ENAH: variants seen among roughly 807,000 people sequenced by gnomAD.
ENAH encodes the protein protein enabled homolog.
In ENAH, 23 loss-of-function variants were observed where a neutral mutation model predicts 78.7. The ratio of observed to expected loss-of-function variants is 0.29; its 90% CI spans 0.21 to 0.41. The LOEUF (loss-of-function observed/expected upper bound fraction) is 0.41, where lower values mean the gene tolerates loss of function less well. ENAH is among the 10% of genes least tolerant of loss of function. The pLI, the probability that ENAH is intolerant of heterozygous loss-of-function variation, is 1.00. For missense variants in ENAH, 544 were observed against 691.0 expected (o/e 0.79, Z 2.39); for synonymous variants, 226 against 241.0 (o/e 0.94, Z 0.58).
rs1259826265 is a variant in ENAH at position 225,496,147 on chromosome 1, GGA to G, written c.*1626_*1627del. On this transcript the variant is annotated 3_prime_UTR_variant, in exon 14 of 14. Coordinates refer to ENST00000366843, the MANE Select transcript of ENAH (RefSeq NM_018212.6). ...TAACAACTCAAGCATAAATCAAGAT[GGA>G]GAGCCTGGAGAGTTTCTTAAATTTT... The G allele has an allele frequency of 6.6e-6, 1 of 152,576 alleles. No individual in the cohort carries two copies. The highest frequency in any genetic ancestry group is 2.4e-5 in the African/African-American group (1 of 41,430). 9.5% of individuals were successfully genotyped at this position (152,576 alleles called of 1,614,324 possible).
intron 5 of ENAH, chr1:225,518,048 G>C: frequency 6.9e-7 from 1 of 1,439,396 alleles, no homozygotes; most frequent in East Asian, 2.5e-5. Context: ...GAGAGAAAAA[G>C]GGAGCTAGTG....
chr1:225,513,269 T>A (rs1189163844), intron 7 of ENAH, among the ~76,000 whole-genome samples: 1 of 152,178 alleles, frequency 6.6e-6, no homozygotes, highest in Non-Finnish European at 1.5e-5. Context: ...GAAAAGGGCA[T>A]GACTTTGCTC....
intron 1 of ENAH, among the ~76,000 whole-genome samples, chr1:225,636,509 A>C (rs2148405509): frequency 6.6e-6 from 1 of 152,356 alleles, no homozygotes; most frequent in East Asian, 1.9e-4. Flanking sequence ...AATTGTTTAA[A>C]GTACTGTCCC....
rs2096623959 is a variant in ENAH at position 225,548,164 on chromosome 1, A to AC, written c.349+6741dup. ...GATGTTGGAGAAAATTTGAAAGCCT[A>AC]CTTTTTTTTTTTCCTCTAAGTTAAT... is the stretch of plus-strand genomic sequence containing the variant. On this transcript the variant is annotated intron_variant, in intron 3 of 13. Transcript: ENST00000366843. Among the ~76,000 whole-genome samples, 4 of 148,688 alleles carry AC rather than the reference A, an allele frequency of 2.7e-5. No homozygotes were observed. In the South Asian group the frequency reaches 8.7e-4, roughly 32 times the overall value.
At chr1:225,627,901 AC>A (rs1373324647) in intron 1 of ENAH, among the ~76,000 whole-genome samples, 1 of 139,624 alleles carries the variant, frequency 7.2e-6, no homozygotes, top group African/African-American at 2.5e-5. Flanking sequence ...TTTGTCCCCT[AC>A]CAACTTATAA....
intron 1 of ENAH, among the ~76,000 whole-genome samples, chr1:225,589,067 T>C (rs557749319): frequency 6.6e-6 from 1 of 152,196 alleles, no homozygotes; most frequent in Non-Finnish European, 1.5e-5. Context: ...CACAAGAGTA[T>C]ATATTTTACG....
At chr1:225,508,831 T>C (rs2096354719) in intron 10 of ENAH, among the ~76,000 whole-genome samples, 1 of 152,246 alleles carries the variant, frequency 6.6e-6, no homozygotes, top group African/African-American at 2.4e-5. Flanking sequence ...TGAATTGTGA[T>C]CTCATTGTAT....
At chr1:225,587,459 T>C (rs914138515) in intron 1 of ENAH, among the ~76,000 whole-genome samples, 1 of 152,194 alleles carries the variant, frequency 6.6e-6, no homozygotes, top group Admixed American at 6.5e-5. Flanking sequence ...CATAATATCA[T>C]GCGTAAAATC....
chr1:225,556,703 A>G (rs1189618607), intron 2 of ENAH, among the ~76,000 whole-genome samples: 2 of 152,158 alleles, frequency 1.3e-5, no homozygotes, highest in Non-Finnish European at 2.9e-5. Context: ...CAAATTAGCA[A>G]TCTTTTCCTT....
intron 3 of ENAH, chr1:225,531,164 C>A (rs1248357819): frequency 1.3e-5 from 5 of 397,126 alleles, no homozygotes; most frequent in Non-Finnish European, 2.2e-5. Context: ...CCATTTTTGT[C>A]TAATAGCCTA....
chr1:225,621,844 C>T (rs1292647365), intron 1 of ENAH, among the ~76,000 whole-genome samples: 3 of 152,190 alleles, frequency 2.0e-5, no homozygotes, highest in Admixed American at 2.0e-4. Flanking sequence ...TACCTATCCT[C>T]CTTCTCAAAG....
chr1:225,581,288 CAT>C, intron 1 of ENAH: 3 of 984,846 alleles, frequency 3.0e-6, no homozygotes, highest in Non-Finnish European at 3.6e-6. Context: ...ACATTATTTT[CAT>C]GAAGTTATAT....
At chr1:225,580,912 C>CAAAAAAAAAAAAAA (rs78529288) in intron 1 of ENAH, among the ~76,000 whole-genome samples, 7 of 63,682 alleles carry the variant, frequency 1.1e-4, no homozygotes, top group African/African-American at 1.7e-4. Context: ...AGAAAAAAAC[C>CAAAAAAAAAAAAAA]AAAAAAAAAA....
At chr1:225,591,873 A>G (rs536489383) in intron 1 of ENAH, among the ~76,000 whole-genome samples, 21 of 152,044 alleles carry the variant, frequency 1.4e-4, no homozygotes, top group Non-Finnish European at 2.2e-4. Context: ...GAAGCACCAG[A>G]GCATGGGGAT....
chr1:225,615,359 G>A (rs1239178363), intron 1 of ENAH, among the ~76,000 whole-genome samples: 1 of 152,216 alleles, frequency 6.6e-6, no homozygotes, highest in Non-Finnish European at 1.5e-5. Context: ...ATGGTGCCCA[G>A]GCTGGAGTGC....
chr1:225,588,116 TAA>T (rs1291765526), intron 1 of ENAH, among the ~76,000 whole-genome samples: 2 of 152,078 alleles, frequency 1.3e-5, no homozygotes, highest in Non-Finnish European at 2.9e-5. Flanking sequence ...TTTTCTCCCA[TAA>T]AAAGACACTT....
chr1:225,520,934 G>GAGGGAGGA (rs1486607245), intron 4 of ENAH, among the ~76,000 whole-genome samples: 21 of 2,856 alleles, frequency 7.4e-3, no homozygotes, highest in African/African-American at 0.015. Context: ...GGGAGGGAGG[G>GAGGGAGGA]AGGGAGGGAG....
At chr1:225,559,703 GAGT>G (rs1173078226) in intron 2 of ENAH, among the ~76,000 whole-genome samples, 2 of 152,116 alleles carry the variant, frequency 1.3e-5, no homozygotes, top group East Asian at 1.9e-4. Flanking sequence ...ACTCAAATAG[GAGT>G]AGGAGACAGT....
chr1:225,536,905 T>C (rs1425858126), intron 3 of ENAH, among the ~76,000 whole-genome samples: 2 of 152,020 alleles, frequency 1.3e-5, no homozygotes, highest in African/African-American at 2.4e-5. Flanking sequence ...ACATAAGATA[T>C]AGAAAGACCA....
Sources: gnomAD v4.1 joint callset for allele counts (sites outside exome capture counted in the v4.1 genomes callset) on GRCh38, gnomAD v4.1.1 for gene constraint, MANE v1.5 for transcripts, NCBI Gene and HGNC (gene_info 2026-07-23, HGNC 2026-07-21) for gene names.